Variants in KSR2 observed in about 807,000 individuals in gnomAD.
The protein encoded by KSR2 is kinase suppressor of ras 2.
Under a neutral mutation model 107.8 loss-of-function variants are expected in KSR2, and 25 were observed. The observed-to-expected ratio is 0.23, with a 90% CI of 0.17 to 0.32. The LOEUF (loss-of-function observed/expected upper bound fraction) is 0.32. KSR2 is among the 10% of genes least tolerant of loss of function. The pLI, the probability that KSR2 is intolerant of heterozygous loss-of-function variation, is 1.00. For missense variants in KSR2, 887 were observed against 1,268.9 expected, an observed-to-expected ratio of 0.70 and a Z score of 4.57; for synonymous variants, 480 against 507.0, an observed-to-expected ratio of 0.95 and a Z score of 0.71.
At chr12:117,472,260 G>A (rs1344419224) in intron 17 of KSR2, among the ~76,000 whole-genome samples, 3 of 152,184 alleles carry the variant, frequency 2.0e-5, no homozygotes, top group Admixed American at 1.3e-4. Context: ...ATTATTTTCT[G>A]TTTCATAAGT....
At chr12:117,642,537 T>C (rs1333359797) in intron 5 of KSR2, among the ~76,000 whole-genome samples, 1 of 152,204 alleles carries the variant, frequency 6.6e-6, no homozygotes, top group Non-Finnish European at 1.5e-5. Flanking sequence ...TGGTTGACCC[T>C]GAGAAAGCTG....
At chr12:117,819,123 A>G (rs1176954055) in intron 3 of KSR2, among the ~76,000 whole-genome samples, 7 of 152,026 alleles carry the variant, frequency 4.6e-5, no homozygotes, top group Non-Finnish European at 8.8e-5. Flanking sequence ...CTAGGTCTGT[A>G]CCGCCCCCTC....
chr12:117,919,748 A>G (rs999066787), intron 1 of KSR2, among the ~76,000 whole-genome samples: 5 of 152,246 alleles, frequency 3.3e-5, no homozygotes, highest in Non-Finnish European at 5.9e-5. Context: ...CCAGCATGGG[A>G]GGCTCCCCAT....
intron 14 of KSR2, among the ~76,000 whole-genome samples, chr12:117,503,701 C>T (rs1873515582): frequency 6.6e-6 from 1 of 152,184 alleles, no homozygotes; most frequent in African/African-American, 2.4e-5. Flanking sequence ...ACAAGCCTAT[C>T]CCTTCCTACC....
intron 7 of KSR2, among the ~76,000 whole-genome samples, chr12:117,570,644 G>A (rs1283061616): frequency 1.3e-5 from 2 of 152,192 alleles, no homozygotes; most frequent in African/African-American, 2.4e-5. Context: ...TTCATATAAA[G>A]TCGGGTTTTG....
At chr12:117,941,176 T>C (rs919430362) in intron 1 of KSR2, among the ~76,000 whole-genome samples, 2 of 152,116 alleles carry the variant, frequency 1.3e-5, no homozygotes, top group Non-Finnish European at 2.9e-5. Context: ...TCCTATTCAT[T>C]GCCAACACCT....
intron 1 of KSR2, among the ~76,000 whole-genome samples, chr12:117,932,891 C>T (rs1251268769): frequency 1.3e-5 from 2 of 151,918 alleles, no homozygotes; most frequent in African/African-American, 2.4e-5. Context: ...TGGGTGCCTG[C>T]AATCCCAACT....
intron 9 of KSR2, among the ~76,000 whole-genome samples, chr12:117,550,783 C>T (rs923656033): frequency 6.6e-6 from 1 of 152,146 alleles, no homozygotes; most frequent in Non-Finnish European, 1.5e-5. Flanking sequence ...TCAGAGCAGA[C>T]CCATAAAGAG....
intron 3 of KSR2, among the ~76,000 whole-genome samples, chr12:117,784,388 T>C (rs1272608640): frequency 1.3e-5 from 2 of 152,240 alleles, no homozygotes; most frequent in African/African-American, 4.8e-5. Flanking sequence ...CTTCCTCTTC[T>C]GCCATGATTG....
intron 5 of KSR2, among the ~76,000 whole-genome samples, chr12:117,634,338 A>G (rs12300780): frequency 0.16 from 25,095 of 152,144 alleles, 2,156 homozygotes; most frequent in Middle Eastern, 0.24. Context: ...AAGACAAAAT[A>G]TGCAAGACGG....
intron 4 of KSR2, among the ~76,000 whole-genome samples, chr12:117,683,252 CTTTT>C (rs1450990140): frequency 6.6e-6 from 1 of 151,502 alleles, no homozygotes; most frequent in East Asian, 1.9e-4. Context: ...AGAATGTTTT[CTTTT>C]TATTTTTGTC....
intron 4 of KSR2, among the ~76,000 whole-genome samples, chr12:117,697,941 C>T (rs1886140202): frequency 6.6e-6 from 1 of 151,946 alleles, no homozygotes; most frequent in Non-Finnish European, 1.5e-5. Flanking sequence ...TGACTGATGT[C>T]CCTATAAAAA....
intron 14 of KSR2, among the ~76,000 whole-genome samples, chr12:117,488,339 C>G (rs1292008160): frequency 6.6e-6 from 1 of 152,198 alleles, no homozygotes; most frequent in African/African-American, 2.4e-5. Context: ...TCATATTCAC[C>G]CCTACACATG....
intron 3 of KSR2, among the ~76,000 whole-genome samples, chr12:117,794,746 T>G (rs1450827754): frequency 4.0e-5 from 6 of 151,782 alleles, no homozygotes; most frequent in Admixed American, 1.3e-4. Context: ...TATACCAACA[T>G]GCATACACAC....
chr12:117,757,927 G>C lies in KSR2; in HGVS notation c.986+3084C>G, dbSNP rs543071907. Among the ~76,000 whole-genome samples the C allele has an allele frequency of 2.0e-5, 3 of 152,220 alleles. No individual in the cohort carries two copies. The South Asian group carries it at 6.2e-4, about 32-fold the overall frequency. On this transcript the variant is annotated intron_variant, in intron 4 of 19. Coordinates refer to ENST00000339824, the MANE Select transcript of KSR2 (RefSeq NM_173598.6). ...CTCACAATATCTCTGAAGTATGCCT[G>C]TACTTACTGAAAACAAGTTTTACAA...
At chr12:117,948,489 C>CAA (rs1180417915) in intron 1 of KSR2, among the ~76,000 whole-genome samples, 5 of 90,398 alleles carry the variant, frequency 5.5e-5, no homozygotes, top group Admixed American at 1.2e-4. Context: ...GACTCCGTCT[C>CAA]AAAAAAAAAA....
At chr12:117,589,037 CAT>C (rs1176247737) in intron 5 of KSR2, among the ~76,000 whole-genome samples, 1 of 152,186 alleles carries the variant, frequency 6.6e-6, no homozygotes, top group Non-Finnish European at 1.5e-5. Context: ...TGTTCAAAGT[CAT>C]ATAGCTAAAG....
intron 4 of KSR2, among the ~76,000 whole-genome samples, chr12:117,680,200 G>C (rs78946449): frequency 1.3e-5 from 2 of 152,062 alleles, no homozygotes; most frequent in African/African-American, 2.4e-5. Flanking sequence ...TCCCTGAATT[G>C]TATGCCACTG....
chr12:117,957,373 C>T (rs1242941082), intron 1 of KSR2, among the ~76,000 whole-genome samples: 25 of 152,150 alleles, frequency 1.6e-4, no homozygotes, highest in Admixed American at 1.6e-3. Context: ...TGAAGAAAAT[C>T]GTTCTATTTT....
Sources: allele counts gnomAD v4.1 joint callset (sites outside exome capture counted in the v4.1 genomes callset), GRCh38; gene constraint gnomAD v4.1.1; transcripts MANE v1.5; gene names NCBI Gene and HGNC (gene_info 2026-07-23, HGNC 2026-07-21).